CDH18: variants seen among roughly 807,000 people sequenced by gnomAD.
CDH18 encodes cadherin-18.
CDH18 carries 31 observed loss-of-function variants against 67.9 expected under a neutral mutation model. The ratio of observed to expected loss-of-function variants is 0.46; its 90% confidence interval spans 0.34 to 0.62. The LOEUF is 0.62. Among genes scored for constraint, CDH18 ranks in the 20% least tolerant of loss-of-function variants. CDH18 has a pLI of 0.01. For synonymous variants in CDH18, 362 were observed against 347.2 expected (o/e 1.04, Z -0.48); for missense variants, 890 against 975.5 (o/e 0.91, Z 1.17).
At chr5:20,187,838 C>T (rs1738221889) in intron 2 of CDH18, among the ~76,000 whole-genome samples, 1 of 151,568 alleles carries the variant, frequency 6.6e-6, no homozygotes, top group South Asian at 2.1e-4. Context: ...AGATTTTTAG[C>T]TTCTTAAAAA....
At chr5:20,449,415 C>T (rs1160400865) in intron 1 of CDH18, among the ~76,000 whole-genome samples, 1 of 151,828 alleles carries the variant, frequency 6.6e-6, no homozygotes, top group Non-Finnish European at 1.5e-5. Flanking sequence ...TAAGACTAAA[C>T]ATACAAGCCC....
intron 5 of CDH18, among the ~76,000 whole-genome samples, chr5:19,619,338 C>G (rs147330661): frequency 1.2e-4 from 18 of 152,106 alleles, no homozygotes; most frequent in Non-Finnish European, 2.4e-4. Context: ...CAAATCTGTA[C>G]AGTAATACAG....
intron 2 of CDH18, among the ~76,000 whole-genome samples, chr5:19,841,307 G>A (rs1188314818): frequency 6.6e-6 from 1 of 152,116 alleles, no homozygotes; most frequent in African/African-American, 2.4e-5. Context: ...ATAAGAGAGA[G>A]CAATACTATT....
At chr5:19,538,691 G>A (rs1357986626) in intron 9 of CDH18, among the ~76,000 whole-genome samples, 2 of 152,162 alleles carry the variant, frequency 1.3e-5, no homozygotes, top group African/African-American at 4.8e-5. Flanking sequence ...TATTTCTATT[G>A]ATATCTTGTA....
intron 2 of CDH18, among the ~76,000 whole-genome samples, chr5:19,994,672 T>G (rs1735743844): frequency 7.8e-6 from 1 of 128,220 alleles, no homozygotes; most frequent in Non-Finnish European, 1.6e-5. Context: ...CTTTTCTCAG[T>G]CTACCAAGTC....
At chr5:19,660,261 C>A (rs754335401) in intron 5 of CDH18, among the ~76,000 whole-genome samples, 2 of 152,078 alleles carry the variant, frequency 1.3e-5, no homozygotes, top group Non-Finnish European at 2.9e-5. Context: ...CGTGAACGTT[C>A]AACTCTTTCA....
chr5:19,951,622 T>C (rs1795799429), intron 2 of CDH18, among the ~76,000 whole-genome samples: 1 of 152,106 alleles, frequency 6.6e-6, no homozygotes, highest in Admixed American at 6.6e-5. Flanking sequence ...TTATAGAGTA[T>C]AGAACTCTGG....
intron 7 of CDH18, among the ~76,000 whole-genome samples, chr5:19,588,861 A>T (rs1432771387): frequency 6.6e-6 from 1 of 152,156 alleles, no homozygotes; most frequent in East Asian, 1.9e-4. Flanking sequence ...CACTAAATGT[A>T]TATGGACTCA....
intron 3 of CDH18, among the ~76,000 whole-genome samples, chr5:19,789,950 T>C (rs373598202): frequency 1.3e-5 from 2 of 152,052 alleles, no homozygotes; most frequent in East Asian, 1.9e-4. Context: ...TATACAGTTT[T>C]ATATATCACA....
chr5:19,477,041 GA>G (rs1225297135), intron 12 of CDH18, among the ~76,000 whole-genome samples: 14 of 150,938 alleles, frequency 9.3e-5, no homozygotes, highest in Admixed American at 9.3e-4. Context: ...CTTTTCCCCA[GA>G]AAAGGTAGTA....
At chr5:19,699,766 T>A (rs1043402806) in intron 5 of CDH18, among the ~76,000 whole-genome samples, 1 of 152,020 alleles carries the variant, frequency 6.6e-6, no homozygotes, top group Admixed American at 6.6e-5. Context: ...TGCAATAATC[T>A]TGGACTTCCC....
chr5:19,747,978 T>G (rs1208665550), intron 3 of CDH18, among the ~76,000 whole-genome samples: 1 of 148,858 alleles, frequency 6.7e-6, no homozygotes, highest in Non-Finnish European at 1.5e-5. Flanking sequence ...CCGGGCGTGG[T>G]GGCGGGCGCC....
chr5:20,083,023 A>T (rs1016268539), intron 2 of CDH18, among the ~76,000 whole-genome samples: 1 of 152,208 alleles, frequency 6.6e-6, no homozygotes, highest in Non-Finnish European at 1.5e-5. Context: ...GGAAACTAAC[A>T]CGCTCCACAT....
At chr5:19,656,517 T>G (rs1249531731) in intron 5 of CDH18, among the ~76,000 whole-genome samples, 1 of 152,084 alleles carries the variant, frequency 6.6e-6, no homozygotes, top group Non-Finnish European at 1.5e-5. Context: ...TTTGGACAGC[T>G]TAGAAATGTA....
At chr5:19,563,716 C>G in intron 8 of CDH18, among the ~76,000 whole-genome samples, 1 of 152,184 alleles carries the variant, frequency 6.6e-6, no homozygotes, top group East Asian at 1.9e-4. Flanking sequence ...TGCAGGAACA[C>G]TGAATTGAAG....
intron 6 of CDH18, among the ~76,000 whole-genome samples, chr5:19,597,176 G>C (rs1251213506): frequency 6.6e-6 from 1 of 152,172 alleles, no homozygotes; most frequent in Admixed American, 6.5e-5. Context: ...CCTGCCAAAA[G>C]CCATGTGAGT....
Position 20,299,548 on chromosome 5 carries a change from C to A in CDH18, c.-579-44043G>T, listed in dbSNP as rs916927493. 2.6e-5 allele frequency among the ~76,000 whole-genome samples: 4 copies of A among 151,834 alleles called. No individual in the cohort carries two copies. In the South Asian group the frequency reaches 8.3e-4, roughly 32 times the overall value. ...GCCCGATGCAGGCAGATCACAAGGT[C>A]AGAAGTTCGAGACCGGCCTGGCCAA... On this transcript the variant is annotated intron_variant, in intron 1 of 14. Coordinates refer to the CDH18 transcript ENST00000507958.
intron 2 of CDH18, among the ~76,000 whole-genome samples, chr5:20,001,227 T>A (rs1736413701): frequency 6.6e-6 from 1 of 152,142 alleles, no homozygotes; most frequent in African/African-American, 2.4e-5. Context: ...TGTTGCTTTA[T>A]AAAAGGACTG....
chr5:20,082,602 C>G (rs1282617703), intron 2 of CDH18, among the ~76,000 whole-genome samples: 1 of 152,054 alleles, frequency 6.6e-6, no homozygotes, highest in Non-Finnish European at 1.5e-5. Context: ...TGAGTTGTGT[C>G]CCTCAAGAAA....
Sources: allele counts gnomAD v4.1 joint callset (sites outside exome capture counted in the v4.1 genomes callset), GRCh38; gene constraint gnomAD v4.1.1; transcripts MANE v1.5; gene names NCBI Gene and HGNC (gene_info 2026-07-23, HGNC 2026-07-21).